PDGFRL: variants seen among roughly 807,000 people sequenced by gnomAD.
PDGFRL encodes the protein platelet-derived growth factor receptor-like protein.
Under a neutral mutation model 37.2 loss-of-function variants are expected in PDGFRL, and 46 were observed. The observed-to-expected ratio is 1.24, with a 90% CI of 0.98 to 1.58. The LOEUF (loss-of-function observed/expected upper bound fraction) is 1.58, where lower values mean the gene tolerates loss of function less well. Ranked by LOEUF, PDGFRL falls within the 40% of genes most tolerant of loss-of-function variation. PDGFRL has a pLI of 0.00. For synonymous variants in PDGFRL, 251 were observed against 184.3 expected (o/e 1.36, Z -2.93); for missense variants, 692 against 467.6 (o/e 1.48, Z -4.43).
intron 2 of PDGFRL, among the ~76,000 whole-genome samples, chr8:17,612,279 A>G (rs2517211): frequency 0.78 from 118,844 of 152,144 alleles, 47,024 homozygotes; most frequent in East Asian, 0.98. Flanking sequence ...TATCTGTTTC[A>G]CACTTTATAA....
chr8:17,606,982 A>G (rs1271826820), intron 2 of PDGFRL, among the ~76,000 whole-genome samples: 2 of 137,374 alleles, frequency 1.5e-5, no homozygotes, highest in Non-Finnish European at 3.0e-5. Flanking sequence ...TGCAACCTCC[A>G]CCTCCCAGGT....
At chr8:17,625,383 C>G (rs568643922) in intron 3 of PDGFRL, among the ~76,000 whole-genome samples, 85 of 152,094 alleles carry the variant, frequency 5.6e-4, no homozygotes, top group African/African-American at 2.0e-3. Context: ...GTCTCCTGAC[C>G]TCATGATCCG....
intron 3 of PDGFRL, among the ~76,000 whole-genome samples, chr8:17,627,425 A>G (rs1804754924): frequency 6.6e-6 from 1 of 151,950 alleles, no homozygotes; most frequent in Non-Finnish European, 1.5e-5. Flanking sequence ...AATTATTCAA[A>G]TGAGCTTTAA....
chr8:17,606,743 C>T (rs1474181048), intron 2 of PDGFRL, among the ~76,000 whole-genome samples: 2 of 152,038 alleles, frequency 1.3e-5, no homozygotes, highest in African/African-American at 4.8e-5. Context: ...GCTCATTGTG[C>T]TGTTCTCAGG....
intron 2 of PDGFRL, among the ~76,000 whole-genome samples, chr8:17,604,451 T>C (rs1325829965): frequency 1.3e-5 from 2 of 152,130 alleles, no homozygotes; most frequent in Non-Finnish European, 2.9e-5. Flanking sequence ...TGGATGAAGC[T>C]GGAAACCATC....
At chr8:17,635,794 T>A (rs1045633530) in intron 5 of PDGFRL, among the ~76,000 whole-genome samples, 2 of 152,224 alleles carry the variant, frequency 1.3e-5, no homozygotes, top group East Asian at 3.8e-4. Context: ...GATTATTTTT[T>A]AATTTTTAAA....
chr8:17,638,838 G>A (rs9644587), intron 5 of PDGFRL, among the ~76,000 whole-genome samples: 2 of 136,878 alleles, frequency 1.5e-5, no homozygotes, highest in East Asian at 2.3e-4. Context: ...CATAATGTCC[G>A]TCTTTCTCTT....
intron 2 of PDGFRL, among the ~76,000 whole-genome samples, chr8:17,617,487 C>T (rs368503538): frequency 6.6e-6 from 1 of 152,134 alleles, no homozygotes; most frequent in South Asian, 2.1e-4. Context: ...ATCCTTGTCT[C>T]CCTTGCGTGA....
At chr8:17,585,622 T>C (rs1003096046) in intron 1 of PDGFRL, among the ~76,000 whole-genome samples, 1 of 152,100 alleles carries the variant, frequency 6.6e-6, no homozygotes. Flanking sequence ...GAATGTATGG[T>C]GTGGTTAACT....
intron 2 of PDGFRL, chr8:17,596,494 C>G (rs896621966): frequency 5.3e-6 from 2 of 376,882 alleles, no homozygotes; most frequent in Non-Finnish European, 4.6e-6. Flanking sequence ...CTTTGACTTC[C>G]TACACAAAGC....
rs1804167477 is a variant in PDGFRL at position 17,601,583 on chromosome 8, A to G, written c.353+11818A>G. ...TCATTATCCAGGTAATAAGCTTAGT[A>G]CCCGATAGGTAGTTTCTCAGTCCTC... is the stretch of plus-strand genomic sequence containing the variant. On this transcript the variant is annotated intron_variant, in intron 2 of 5. Transcript: ENST00000251630. Among the ~76,000 whole-genome samples, 3 of 151,848 alleles carry G rather than the reference A, an allele frequency of 2.0e-5. 1 individual carries two copies. In the South Asian group the frequency reaches 6.2e-4, roughly 32 times the overall value.
intron 2 of PDGFRL, among the ~76,000 whole-genome samples, chr8:17,597,087 C>G (rs1396547180): frequency 5.3e-5 from 8 of 152,198 alleles, no homozygotes; most frequent in Non-Finnish European, 1.5e-5. Context: ...GTGGCACGAT[C>G]TCAGCTCACT....
rs755011905 is a variant in PDGFRL at position 17,577,320 on chromosome 8, G to C, written c.55+13G>C. On this transcript the variant is annotated intron_variant, in intron 1 of 5. Transcript: ENST00000251630. ...GCGCTGGAGGATGGTGAGTGACTCT[G>C]GGCGCGGGGCCACCTAGCTTGTGCC... The C allele has an allele frequency of 2.5e-6, 4 of 1,608,842 alleles. No homozygotes were observed. Among genetic ancestry groups the C allele is most frequent in the Non-Finnish European group, 3.4e-6 (4 of 1,176,804 alleles).
intron 1 of PDGFRL, among the ~76,000 whole-genome samples, chr8:17,585,661 C>G (rs559176457): frequency 1.1e-4 from 17 of 152,158 alleles, no homozygotes; most frequent in Admixed American, 9.2e-4. Context: ...ATGGCCTTTC[C>G]CCTTTACTGC....
At chr8:17,637,392 G>A (rs773423577) in intron 5 of PDGFRL, among the ~76,000 whole-genome samples, 20 of 152,136 alleles carry the variant, frequency 1.3e-4, no homozygotes, top group Non-Finnish European at 2.9e-4. Flanking sequence ...AATGTCTTGT[G>A]TATGTTAAAC....
At chr8:17,614,543 A>C (rs903906266) in intron 2 of PDGFRL, among the ~76,000 whole-genome samples, 13 of 152,174 alleles carry the variant, frequency 8.5e-5, no homozygotes, top group Admixed American at 6.5e-4. Flanking sequence ...ACAGTTTTTC[A>C]CATGAATGTA....
At chr8:17,637,800 G>T (rs1352909889) in intron 5 of PDGFRL, among the ~76,000 whole-genome samples, 1 of 152,108 alleles carries the variant, frequency 6.6e-6, no homozygotes, top group Non-Finnish European at 1.5e-5. Context: ...ATCTAGGAGG[G>T]TGGTATAATT....
At chr8:17,604,399 G>A (rs926612404) in intron 2 of PDGFRL, among the ~76,000 whole-genome samples, 17 of 152,126 alleles carry the variant, frequency 1.1e-4, no homozygotes, top group Middle Eastern at 3.2e-3. Context: ...GGAATACTAT[G>A]CAGCCATGAA....
intron 1 of PDGFRL, among the ~76,000 whole-genome samples, chr8:17,582,358 C>A (rs996267855): frequency 6.6e-6 from 1 of 151,926 alleles, no homozygotes; most frequent in Non-Finnish European, 1.5e-5. Context: ...GGGAGGCAGG[C>A]GGATCATGAG....
Sources: allele counts gnomAD v4.1 joint callset (sites outside exome capture counted in the v4.1 genomes callset), GRCh38; gene constraint gnomAD v4.1.1; transcripts MANE v1.5; gene names NCBI Gene and HGNC (gene_info 2026-07-23, HGNC 2026-07-21).